ROBO2: variants seen among roughly 807,000 people sequenced by gnomAD.
The protein encoded by ROBO2 is roundabout guidance receptor 2.
In ROBO2, 53 loss-of-function variants were observed where a neutral mutation model predicts 160.8. The ratio of observed to expected loss-of-function variants is 0.33; its 90% CI spans 0.26 to 0.41. The LOEUF is 0.41. Ranked by LOEUF, ROBO2 falls within the 10% of genes least tolerant of loss-of-function variation. The pLI is 1.00. For missense variants in ROBO2, 1,577 were observed against 1,722.4 expected (o/e 0.92, Z 1.49); for synonymous variants, 664 against 611.7 (o/e 1.09, Z -1.26).
chr3:76,335,445 G>A (rs2108085107), intron 2 of ROBO2, among the ~76,000 whole-genome samples: 1 of 152,068 alleles, frequency 6.6e-6, no homozygotes, highest in East Asian at 1.9e-4. Context: ...GCCTCCCAAA[G>A]TGCTGGGATT....
chr3:76,620,524 C>T (rs1289046590), intron 2 of ROBO2, among the ~76,000 whole-genome samples: 11 of 152,048 alleles, frequency 7.2e-5, no homozygotes. Context: ...GCTCCTAATT[C>T]AGCATAGAAA....
At chr3:77,578,994 A>G (rs1323142654) in intron 15 of ROBO2, among the ~76,000 whole-genome samples, 1 of 152,136 alleles carries the variant, frequency 6.6e-6, no homozygotes, top group African/African-American at 2.4e-5. Flanking sequence ...TTCCTTCACT[A>G]AGAACACAGA....
chr3:76,543,668 T>C (rs191451501), intron 2 of ROBO2, among the ~76,000 whole-genome samples: 1 of 152,166 alleles, frequency 6.6e-6, no homozygotes, highest in Admixed American at 6.5e-5. Flanking sequence ...TTTCATAGGG[T>C]TGTTAGGAAG....
chr3:76,298,221 G>A (rs968681586), intron 2 of ROBO2, among the ~76,000 whole-genome samples: 3 of 152,144 alleles, frequency 2.0e-5, no homozygotes, highest in Non-Finnish European at 4.4e-5. Context: ...AGGTTCTGTA[G>A]AAGGTAGAAA....
chr3:76,372,195 A>G (rs897296444), intron 2 of ROBO2, among the ~76,000 whole-genome samples: 1 of 151,974 alleles, frequency 6.6e-6, no homozygotes, highest in Non-Finnish European at 1.5e-5. Flanking sequence ...AGGACTATAC[A>G]TAAGTGTTTA....
At chr3:77,209,308 C>A (rs377071217) in intron 2 of ROBO2, among the ~76,000 whole-genome samples, 246 of 152,058 alleles carry the variant, frequency 1.6e-3, no homozygotes, top group Middle Eastern at 3.4e-3. Flanking sequence ...TGCTGATTAT[C>A]AAAATATTTA....
At chr3:77,276,214 AAAC>A (rs906062664) in intron 2 of ROBO2, among the ~76,000 whole-genome samples, 2 of 109,166 alleles carry the variant, frequency 1.8e-5, no homozygotes, top group African/African-American at 4.7e-5. Context: ...AAAAACAAAC[AAAC>A]AAAAAAAAAA....
intron 2 of ROBO2, among the ~76,000 whole-genome samples, chr3:76,131,890 C>T (rs2071236093): frequency 6.6e-6 from 1 of 152,034 alleles, no homozygotes; most frequent in Non-Finnish European, 1.5e-5. Flanking sequence ...ATAAAATGTT[C>T]TTATTGATTA....
chr3:77,459,986 T>G (rs1463512733), intron 2 of ROBO2, among the ~76,000 whole-genome samples: 4 of 152,000 alleles, frequency 2.6e-5, no homozygotes, highest in Non-Finnish European at 4.4e-5. Flanking sequence ...TAAAAAGATG[T>G]TAACATTTAT....
At chr3:77,517,318 A>C (rs1404402596) in intron 5 of ROBO2, among the ~76,000 whole-genome samples, 1 of 151,538 alleles carries the variant, frequency 6.6e-6, no homozygotes, top group Non-Finnish European at 1.5e-5. Context: ...AATTTGCAAA[A>C]GTACTACAAA....
intron 2 of ROBO2, among the ~76,000 whole-genome samples, chr3:77,455,672 C>T (rs990309499): frequency 4.6e-5 from 7 of 151,966 alleles, no homozygotes; most frequent in South Asian, 4.1e-4. Context: ...CCTCGTGATC[C>T]GCCCGCCTCG....
chr3:76,900,467 T>C (rs894268098), intron 2 of ROBO2, among the ~76,000 whole-genome samples: 1 of 152,142 alleles, frequency 6.6e-6, no homozygotes, highest in African/African-American at 2.4e-5. Context: ...GCCAAATCAA[T>C]AAAAGTATTT....
chr3:76,355,833 G>T (rs1298206230), intron 2 of ROBO2, among the ~76,000 whole-genome samples: 1 of 151,572 alleles, frequency 6.6e-6, no homozygotes, highest in East Asian at 1.9e-4. Context: ...TTATTCAGAG[G>T]TTTACTTTGG....
chr3:76,996,935 G>A (rs1469344332), intron 2 of ROBO2, among the ~76,000 whole-genome samples: 1 of 152,026 alleles, frequency 6.6e-6, no homozygotes, highest in African/African-American at 2.4e-5. Context: ...CAGTTTGTCT[G>A]CCCCAGTATT....
intron 2 of ROBO2, among the ~76,000 whole-genome samples, chr3:77,260,955 T>C (rs1422550978): frequency 6.6e-6 from 1 of 152,104 alleles, no homozygotes; most frequent in East Asian, 1.9e-4. Context: ...GTGTGACCTC[T>C]TGGAAGCCTC....
chr3:76,536,836 A>C (rs549066315), intron 2 of ROBO2, among the ~76,000 whole-genome samples: 2 of 152,258 alleles, frequency 1.3e-5, no homozygotes, highest in South Asian at 4.2e-4. Flanking sequence ...GTCTGATGAG[A>C]AAGAGCCCAG....
chr3:76,919,448 C>A (rs1056646966), intron 2 of ROBO2, among the ~76,000 whole-genome samples: 3 of 152,078 alleles, frequency 2.0e-5, no homozygotes, highest in African/African-American at 7.2e-5. Context: ...GATTTATCTC[C>A]TCATATAAAT....
chr3:76,147,341 ATTG>A (rs2071949964), intron 2 of ROBO2, among the ~76,000 whole-genome samples: 1 of 149,504 alleles, frequency 6.7e-6, no homozygotes, highest in Admixed American at 6.8e-5. Context: ...GTTACTATAT[ATTG>A]TTTATAATTT....
chr3:77,474,495 G>A (rs1047560754), intron 2 of ROBO2, among the ~76,000 whole-genome samples: 6 of 152,106 alleles, frequency 3.9e-5, no homozygotes, highest in Non-Finnish European at 8.8e-5. Flanking sequence ...CACAACTGCT[G>A]CTACCCTGTC....
Sources: gnomAD v4.1 joint callset for allele counts (sites outside exome capture counted in the v4.1 genomes callset) on GRCh38, gnomAD v4.1.1 for gene constraint, MANE v1.5 for transcripts, NCBI Gene and HGNC (gene_info 2026-07-23, HGNC 2026-07-21) for gene names.